SLC44A3: variants seen among roughly 807,000 people sequenced by gnomAD.
The protein encoded by SLC44A3 is choline transporter-like protein 3.
SLC44A3 carries 74 observed loss-of-function variants against 75.4 expected under a neutral mutation model. The ratio of observed to expected loss-of-function variants is 0.98; its 90% confidence interval spans 0.81 to 1.19. The LOEUF (loss-of-function observed/expected upper bound fraction) is 1.19. Ranked by LOEUF, SLC44A3 falls within the 50% of genes most tolerant of loss-of-function variation. The pLI is 0.00. For missense variants in SLC44A3, 700 were observed against 778.6 expected (o/e 0.90, Z 1.20); for synonymous variants, 310 against 296.9 (o/e 1.04, Z -0.45).
rs368826281 is a variant in SLC44A3, at chr1:94,827,950, GA to G, written c.415+309del. Among the ~76,000 whole-genome samples, 164 of 152,224 alleles carry G rather than the reference GA, an allele frequency of 1.1e-3. 1 individual carries two copies. Among genetic ancestry groups the G allele is most frequent in the African/African-American group, 3.7e-3 (155 of 41,546 alleles). On this transcript the variant is annotated intron_variant, in intron 4 of 14. Coordinates refer to ENST00000271227, the MANE Select transcript of SLC44A3 (RefSeq NM_001114106.3). ...CATTTAAGACCCAAAGGCGGTGTCAGAAGGAAGGCAGAGAGCTCCATGCACG... is the reference window on the plus strand; with the variant it reads ...CATTTAAGACCCAAAGGCGGTGTCAGAGGAAGGCAGAGAGCTCCATGCACG...
intron 10 of SLC44A3, among the ~76,000 whole-genome samples, chr1:94,860,333 A>G (rs1001107453): frequency 6.6e-6 from 1 of 152,220 alleles, no homozygotes; most frequent in African/African-American, 2.4e-5. Flanking sequence ...GCACTCTTTC[A>G]GAAGGTAGAA....
chr1:94,881,411 T>C (rs1307227516), intron 12 of SLC44A3, among the ~76,000 whole-genome samples: 1 of 152,188 alleles, frequency 6.6e-6, no homozygotes, highest in East Asian at 1.9e-4. Flanking sequence ...GACATTCTCT[T>C]AAGAACCAAT....
intron 10 of SLC44A3, among the ~76,000 whole-genome samples, chr1:94,858,343 T>C (rs577610827): frequency 6.6e-6 from 1 of 152,302 alleles, no homozygotes; most frequent in Non-Finnish European, 1.5e-5. Context: ...TAAGAACCAG[T>C]GAATTAGTTA....
At chr1:94,868,485 G>T (rs887647801) in intron 12 of SLC44A3, among the ~76,000 whole-genome samples, 1 of 152,068 alleles carries the variant, frequency 6.6e-6, no homozygotes, top group Non-Finnish European at 1.5e-5. Flanking sequence ...TTTTCATTTG[G>T]ATTGCTATAA....
At chr1:94,855,128 C>T (rs1178183765) in intron 9 of SLC44A3, 1 of 152,098 alleles carries the variant, frequency 6.6e-6, no homozygotes, top group East Asian at 1.9e-4. Context: ...TCAGCTGCTC[C>T]CACCGCTGAC....
At chr1:94,879,064 A>G (rs1433961853) in intron 12 of SLC44A3, among the ~76,000 whole-genome samples, 2 of 152,228 alleles carry the variant, frequency 1.3e-5, no homozygotes. Context: ...ATAAAAGTAG[A>G]CAAATGGGAC....
At chr1:94,876,653 A>T (rs1003344931) in intron 12 of SLC44A3, among the ~76,000 whole-genome samples, 9 of 151,934 alleles carry the variant, frequency 5.9e-5, no homozygotes, top group Admixed American at 5.9e-4. Flanking sequence ...TACAAGCAGG[A>T]CTCCCATGAC....
chr1:94,874,906 A>G (rs887154227), intron 12 of SLC44A3, among the ~76,000 whole-genome samples: 4 of 152,196 alleles, frequency 2.6e-5, no homozygotes, highest in African/African-American at 9.6e-5. Flanking sequence ...GTTCTGAATA[A>G]TTGTGAGATG....
rs1483323883 is a variant in SLC44A3, at chr1:94,873,497, T to C, written c.1482+6080T>C. Among the ~76,000 whole-genome samples the C allele has an allele frequency of 4.6e-5, 7 of 152,124 alleles. No homozygotes were observed. The East Asian group carries it at 1.3e-3, about 29-fold the overall frequency. On this transcript the variant is annotated intron_variant, in intron 12 of 14. Transcript: ENST00000271227. ...GGGGAAATATACACCTCTCTCCCCT[T>C]CTTACCTCATAGTGCCTCTCCCCAA... is the stretch of plus-strand genomic sequence containing the variant.
At chr1:94,884,816 CTCTT>C (rs1211194312) in intron 12 of SLC44A3, among the ~76,000 whole-genome samples, 1 of 152,286 alleles carries the variant, frequency 6.6e-6, no homozygotes, top group Non-Finnish European at 1.5e-5. Context: ...TAAAAAAACG[CTCTT>C]TCTATGTTAA....
intron 12 of SLC44A3, among the ~76,000 whole-genome samples, chr1:94,877,673 G>A (rs932606131): frequency 6.6e-6 from 1 of 152,096 alleles, no homozygotes; most frequent in South Asian, 2.1e-4. Context: ...TTATCTAGGT[G>A]GGGCGAAAAA....
At position 94,891,171 on chromosome 1, in the gene SLC44A3, T is replaced by C. The variant is rs1312040531; in HGVS notation, c.1524T>C (p.Cys508=). The C allele has an allele frequency of 1.2e-6, 2 of 1,613,418 alleles. No individual in the cohort carries two copies. The highest frequency in any genetic ancestry group is 2.2e-5 in the East Asian group (1 of 44,796). Residue 508 remains cysteine, a synonymous_variant, in exon 13 of 15, where the codon TGT becomes TGC. Coordinates refer to ENST00000271227, the MANE Select transcript of SLC44A3 (RefSeq NM_001114106.3). ...TTTAINGTDF[C]TSAKDAFKIL... is the part of the protein sequence containing the mutation. ...CTGCTATTAATGGGACAGATTTCTG[T>C]ACATCAGCAAAAGATGCATTCAAAA...
At chr1:94,888,709 A>G (rs1370898444) in intron 12 of SLC44A3, 6 of 978,936 alleles carry the variant, frequency 6.1e-6, no homozygotes, top group Non-Finnish European at 7.2e-6. Flanking sequence ...ATGGTGCCCT[A>G]TCAGGGATAT....
Position 94,882,664 on chromosome 1 carries a change from TC to T in SLC44A3, c.1483-8463del, listed in dbSNP as rs1290584298. Among the ~76,000 whole-genome samples the T allele has an allele frequency of 1.3e-5, 2 of 152,080 alleles. 1 individual carries two copies. Among genetic ancestry groups the T allele is most frequent in the African/African-American group, 4.8e-5 (2 of 41,396 alleles). ...TAGGAATCATTGTTCTGGTGGGCTTTCCCTGCTGAGTGCAGAGCTTTGCTGG... is the reference window on the plus strand; with the variant it reads ...TAGGAATCATTGTTCTGGTGGGCTTTCCTGCTGAGTGCAGAGCTTTGCTGG... On this transcript the variant is annotated intron_variant, in intron 12 of 14. Transcript: ENST00000271227.
Position 94,828,527 on chromosome 1 carries a change from C to G in SLC44A3, c.450C>G (p.Phe150Leu), listed in dbSNP as rs918586202. 2 of 1,613,798 alleles carry G rather than the reference C, an allele frequency of 1.2e-6. No homozygotes were observed. Among genetic ancestry groups the G allele is most frequent in the African/African-American group, 2.7e-5 (2 of 74,906 alleles). ...SFLCVYSLNS[F>L]NYTHSPKADS... Reference sequence around the variant, plus strand: ...TGTGTGTTTATAGTTTGAATTCCTTCAACTATACCCACAGTCCAAAAGCAG... The same window carrying G: ...TGTGTGTTTATAGTTTGAATTCCTTGAACTATACCCACAGTCCAAAAGCAG... The change falls in exon 5 of 15, where the codon TTC becomes TTG. Residue 150 changes from phenylalanine (F) to leucine (L), a missense_variant. Transcript: ENST00000271227.
At chr1:94,842,147 T>G (rs939487411) in intron 8 of SLC44A3, 23 bp downstream of exon 8, 6 of 1,576,292 alleles carry the variant, frequency 3.8e-6, no homozygotes, top group Non-Finnish European at 5.2e-6. Flanking sequence ...CTTCTAGCAG[T>G]AGGTCAGGTA....
chr1:94,839,365 A>G (rs1322770217), intron 6 of SLC44A3, among the ~76,000 whole-genome samples: 1 of 152,012 alleles, frequency 6.6e-6, no homozygotes. Context: ...TGAGAATAAT[A>G]TTGCTATAAA....
At chr1:94,892,558 G>A (rs1411295907) in intron 14 of SLC44A3, 41 bp downstream of exon 14, 17 of 1,575,658 alleles carry the variant, frequency 1.1e-5, no homozygotes, top group Middle Eastern at 3.3e-4. Context: ...CTCCATGCTC[G>A]CAATCTTGAA....
At chr1:94,870,776 G>A (rs145588961) in intron 12 of SLC44A3, among the ~76,000 whole-genome samples, 2,766 of 152,160 alleles carry the variant, frequency 0.018, 66 homozygotes, top group African/African-American at 0.057. Flanking sequence ...TCTGCCTCCC[G>A]GGTTCAAGTG....
Sources: allele counts gnomAD v4.1 joint callset (sites outside exome capture counted in the v4.1 genomes callset), GRCh38; gene constraint gnomAD v4.1.1; transcripts MANE v1.5; gene names NCBI Gene and HGNC (gene_info 2026-07-23, HGNC 2026-07-21).